The following PSG8 variants were observed in gnomAD, a reference collection of about 807,000 sequenced individuals.
PSG8 encodes pregnancy specific beta-1-glycoprotein 8.
Under a neutral mutation model 42.5 loss-of-function variants are expected in PSG8, and 57 were observed. The observed-to-expected ratio is 1.34, with a 90% CI of 1.08 to 1.67. PSG8 has a LOEUF of 1.67. Ranked by LOEUF, PSG8 falls within the 40% of genes most tolerant of loss-of-function variation. PSG8 has a pLI of 0.00. For synonymous variants in PSG8, 280 were observed against 196.8 expected (o/e 1.42, Z -3.54); for missense variants, 783 against 518.6 (o/e 1.51, Z -4.95).
At chr19:42,754,614 G>A (rs764134776) in intron 4 of PSG8, 27 bp from the exon 5 acceptor site, 2 of 1,599,860 alleles carry the variant, frequency 1.3e-6, no homozygotes, top group Admixed American at 3.4e-5. Flanking sequence ...AAAGCCACAG[G>A]TGATGTCATC....
At chr19:42,759,733 T>A (rs1013700598) in intron 2 of PSG8, among the ~76,000 whole-genome samples, 2 of 152,120 alleles carry the variant, frequency 1.3e-5, no homozygotes, top group African/African-American at 2.4e-5. Context: ...TAACAAAAAA[T>A]ATTTGGAGGA....
Position 42,759,458 on chromosome 19 carries a change from A to C in PSG8, c.431-1178T>G, listed in dbSNP as rs147741322. ...GCTCCTTATGCAGAAGGCTTAAAAC[A>C]AAGTGTTTTGGATTTCTAATTTTTT... On this transcript the variant is annotated intron_variant, in intron 2 of 4. Transcript: ENST00000306511. Among the ~76,000 whole-genome samples, 1,000 of 152,284 alleles carry C rather than the reference A, an allele frequency of 6.6e-3. 19 individuals are homozygous for C. Among genetic ancestry groups the C allele is most frequent in the African/African-American group, 0.022 (911 of 41,530 alleles).
At position 42,764,063 on chromosome 19, in the gene PSG8, A is replaced by T; in HGVS notation, c.283T>A (p.Tyr95Asn). The T allele has an allele frequency of 1.9e-6, 3 of 1,613,852 alleles. No individual in the cohort carries two copies. The highest frequency in any genetic ancestry group is 2.5e-6 in the Non-Finnish European group (3 of 1,179,882). ...DGQIIIYGPAYSGRETIYSNA... is the reference protein window; with the variant it reads ...DGQIIIYGPANSGRETIYSNA... ...GAATATATTGTTTCTCGTCCACTGT[A>T]TGCAGGCCCATATATAATTATTTGA... is the stretch of plus-strand genomic sequence containing the variant. Residue 95 changes from tyrosine to asparagine, a missense_variant, in exon 2 of 5, where the codon TAC (tyrosine) becomes AAC (asparagine). Coordinates refer to ENST00000306511, the MANE Select transcript of PSG8 (RefSeq NM_182707.3).
intron 3 of PSG8, 81 bp downstream of exon 3, chr19:42,757,921 G>A: frequency 6.2e-7 from 1 of 1,613,574 alleles, no homozygotes; most frequent in South Asian, 1.1e-5. Context: ...ACTTGGACCT[G>A]AGAGGGACTG....
downstream of PSG8, chr19:42,753,504 T>G (rs1411174324): frequency 1.5e-6 from 1 of 664,836 alleles, no homozygotes; most frequent in East Asian, 2.7e-5. Context: ...CAATGATAAT[T>G]TCAGTAGAAT....
chr19:42,763,836 C>G (rs1472987533), intron 2 of PSG8, 80 bp downstream of exon 2: 11 of 1,608,154 alleles, frequency 6.8e-6, no homozygotes, highest in South Asian at 1.1e-5. Context: ...CAGGCAATGT[C>G]CAGGCCTGAC....
intron 3 of PSG8, among the ~76,000 whole-genome samples, chr19:42,756,499 A>G (rs1271263444): frequency 6.6e-6 from 1 of 152,162 alleles, no homozygotes; most frequent in Admixed American, 6.5e-5. Flanking sequence ...TTTGTCATAT[A>G]CTTACTGGTT....
chr19:42,761,675 C>T (rs1330693371), intron 2 of PSG8, among the ~76,000 whole-genome samples: 1 of 152,016 alleles, frequency 6.6e-6, no homozygotes, highest in East Asian at 1.9e-4. Context: ...ATTTTTTAGT[C>T]CTGTGCTCCT....
chr19:42,763,828 G>A, intron 2 of PSG8, 88 bp downstream of exon 2: 1 of 1,603,630 alleles, frequency 6.2e-7, no homozygotes, highest in Non-Finnish European at 8.5e-7. Flanking sequence ...GAGGGACACA[G>A]GCAATGTCCA....
chr19:42,761,118 C>T (rs114482999), intron 2 of PSG8, among the ~76,000 whole-genome samples: 1,666 of 152,210 alleles, frequency 0.011, 35 homozygotes, highest in African/African-American at 0.039. Context: ...TGAGTCCGTG[C>T]AAAGATTACA....
intron 3 of PSG8, 107 bp downstream of exon 3, chr19:42,757,895 G>T: frequency 1.9e-6 from 3 of 1,611,442 alleles, no homozygotes; most frequent in Admixed American, 1.7e-5. Context: ...TGATGTCCAG[G>T]GGTAAAGGTC....
At chr19:42,762,880 G>A (rs558007217) in intron 2 of PSG8, among the ~76,000 whole-genome samples, 49 of 152,208 alleles carry the variant, frequency 3.2e-4, no homozygotes, top group Admixed American at 2.7e-3. Context: ...GGAAGCCAGT[G>A]AGCCCTCACT....
intron 1 of PSG8, among the ~76,000 whole-genome samples, chr19:42,764,564 G>T (rs547118874): frequency 6.6e-6 from 1 of 151,952 alleles, no homozygotes; most frequent in Non-Finnish European, 1.5e-5. Context: ...TCTTCCCCAG[G>T]GGTCCGCATG....
chr19:42,763,896 G>T lies in PSG8; in HGVS notation c.430+20C>A, dbSNP rs375085910. The T allele has an allele frequency of 1.9e-6, 3 of 1,613,482 alleles. No homozygotes were observed. The highest frequency in any genetic ancestry group is 4.5e-5 in the East Asian group (2 of 44,880). On this transcript the variant is annotated intron_variant, in intron 2 of 4. Transcript: ENST00000306511. Reference sequence around the variant, plus strand: ...TGACCCCTGTCCCCCAACACCCAGGGATCATGTGGAATCACTCACGATATA... The same window carrying T: ...TGACCCCTGTCCCCCAACACCCAGGTATCATGTGGAATCACTCACGATATA...
intron 3 of PSG8, chr19:42,755,952 C>T (rs151324338): frequency 0.03 from 4,587 of 153,934 alleles, 231 homozygotes; most frequent in African/African-American, 0.1. Context: ...AGAGTGAAGG[C>T]GACAGGCAAG....
chr19:42,753,098 G>A, downstream of PSG8: 1 of 621,034 alleles, frequency 1.6e-6, no homozygotes, highest in Non-Finnish European at 2.9e-6. Flanking sequence ...TCATGATGGG[G>A]AGTCTTGTTC....
intron 3 of PSG8, among the ~76,000 whole-genome samples, chr19:42,756,785 G>A (rs973820738): frequency 6.6e-6 from 1 of 151,928 alleles, no homozygotes; most frequent in Non-Finnish European, 1.5e-5. Flanking sequence ...TTTCATGGTT[G>A]CCTCTTTTTC....
rs148171623 is a variant in PSG8 at position 42,764,869 on chromosome 19, G to A, written c.65-588C>T. ...TGTGAGAGTTCTCAGGGCCCTCCAC[G>A]CCCTTGGTGTTTTTTTTTCCCCCCA... On this transcript the variant is annotated intron_variant, in intron 1 of 4. Coordinates refer to ENST00000306511, the MANE Select transcript of PSG8 (RefSeq NM_182707.3). Among the ~76,000 whole-genome samples the A allele has an allele frequency of 1.9e-4, 29 of 152,094 alleles. No individual in the cohort carries two copies. In the East Asian group the frequency reaches 2.3e-3, roughly 12 times the overall value.
At chr19:42,760,458 C>A (rs745427815) in intron 2 of PSG8, among the ~76,000 whole-genome samples, 1 of 152,104 alleles carries the variant, frequency 6.6e-6, no homozygotes, top group Admixed American at 6.5e-5. Context: ...TTTTTTACCC[C>A]ACTCTTTTTG....
Sources: allele counts gnomAD v4.1 joint callset (sites outside exome capture counted in the v4.1 genomes callset), GRCh38; gene constraint gnomAD v4.1.1; transcripts MANE v1.5; gene names NCBI Gene and HGNC (gene_info 2026-07-23, HGNC 2026-07-21).